Variants in ST6GAL2 observed in about 807,000 individuals in gnomAD.
ST6GAL2 encodes the protein ST6 beta-galactoside alpha-2,6-sialyltransferase 2, also known as beta-galactoside alpha-2,6-sialyltransferase 2.
A neutral mutation model predicts 37.5 loss-of-function variants in ST6GAL2; 24 were observed. The observed-to-expected ratio is 0.64, with a 90% CI of 0.46 to 0.90. ST6GAL2 has a LOEUF of 0.90. ST6GAL2 is among the 40% of genes least tolerant of loss of function. The pLI is 0.00. For missense variants in ST6GAL2, 715 were observed against 712.7 expected (o/e 1.00, Z -0.04); for synonymous variants, 306 against 295.1 (o/e 1.04, Z -0.38).
rs142026345 is a variant in ST6GAL2, at chr2:106,838,426, T to C, written c.944-4280A>G. Among the ~76,000 whole-genome samples, 333 of 152,272 alleles carry C rather than the reference T, an allele frequency of 2.2e-3. 1 individual carries two copies. The highest frequency in any genetic ancestry group is 4.5e-3 in the Admixed American group (69 of 15,302). ...CACTAGAGAATGGCCTGCCTGGGAT[T>C]GGACAAAGCATCGCTTTGGGAGCTC... On this transcript the variant is annotated intron_variant, in intron 2 of 5. Transcript: ENST00000409382.
chr2:106,849,461 G>C (rs577343703), intron 1 of ST6GAL2, among the ~76,000 whole-genome samples: 1 of 152,154 alleles, frequency 6.6e-6, no homozygotes, highest in Non-Finnish European at 1.5e-5. Context: ...ATAGCATCAC[G>C]TGACAGTTAG....
Position 106,843,434 on chromosome 2 carries a change from T to C in ST6GAL2, c.544A>G (p.Arg182Gly). The change falls in exon 2 of 6, where the codon AGG becomes GGG. Residue 182 changes from arginine to glycine, a missense_variant. This residue lies in a region of ST6GAL2 where 512 missense variants were observed against 488.8 expected (regional missense o/e 1.05). Transcript: ENST00000409382. ...TCGCCCTCCTCCAACACGTGGCTCC[T>C]TCTCTGCCTCCGGTGCCTCTTCTTC... ...RVKKRHRRQR[R>G]SHVLEEGDDG... 1 of 1,614,132 alleles carries C rather than the reference T, an allele frequency of 6.2e-7. No homozygotes were observed. Among genetic ancestry groups the C allele is most frequent in the Non-Finnish European group, 8.5e-7 (1 of 1,180,014 alleles).
intron 3 of ST6GAL2, among the ~76,000 whole-genome samples, chr2:106,833,141 T>C (rs1299498083): frequency 6.6e-6 from 1 of 152,132 alleles, no homozygotes; most frequent in Admixed American, 6.5e-5. Context: ...TTTAAAATTA[T>C]TATTTCAGGA....
rs76687188 is a variant in ST6GAL2 at position 106,803,009 on chromosome 2, G to A, written c.*3669C>T. ...TGATCCCACTTAAAGCACCCAAACG[G>A]GACCTACCTAATTAATTCAGGAGAT... On this transcript the variant is annotated 3_prime_UTR_variant, in exon 6 of 6. Transcript: ENST00000409382. The A allele has an allele frequency of 2.2e-4, 34 of 152,198 alleles. No homozygotes were observed. The highest frequency in any genetic ancestry group is 7.9e-4 in the African/African-American group (33 of 41,536). 9.4% of individuals were successfully genotyped at this position (152,198 alleles called of 1,614,324 possible).
In ST6GAL2 at chr2:106,802,014, T is replaced by A. The variant is rs1675276236; in HGVS notation, c.*4664A>T. 1 of 152,222 alleles carries A rather than the reference T, an allele frequency of 6.6e-6. No individual in the cohort carries two copies. Among genetic ancestry groups the A allele is most frequent in the South Asian group, 2.1e-4 (1 of 4,824 alleles). The allele number at this position is 152,222 out of a possible 1,614,324, so 9.4% of individuals were successfully genotyped here. A position where few individuals can be genotyped will look rare whatever the true frequency, so the allele number is the denominator to read the frequency against. ...TGAAAGCCATGAGCTACAGCTAAGC[T>A]TCCCTTCAAAGTTCAGTGTTAAATC... On this transcript the variant is annotated 3_prime_UTR_variant, in exon 6 of 6. Coordinates refer to ENST00000409382, the MANE Select transcript of ST6GAL2 (RefSeq NM_001142351.2).
chr2:106,824,200 G>C (rs1177371472), intron 5 of ST6GAL2, among the ~76,000 whole-genome samples: 1 of 152,182 alleles, frequency 6.6e-6, no homozygotes, highest in Admixed American at 6.5e-5. Context: ...AGGATTTACA[G>C]TTCACATTGT....
chr2:106,851,769 T>C (rs1677374808), intron 1 of ST6GAL2, among the ~76,000 whole-genome samples: 1 of 152,138 alleles, frequency 6.6e-6, no homozygotes, highest in Non-Finnish European at 1.5e-5. Flanking sequence ...GTCCTTTTTT[T>C]GTGTCAAAGA....
chr2:106,829,991 G>T, intron 5 of ST6GAL2, 75 bp downstream of exon 5: 3 of 1,368,814 alleles, frequency 2.2e-6, no homozygotes, highest in South Asian at 2.4e-5. Context: ...TGTATAACAC[G>T]ACTGTATATT....
At position 106,834,095 on chromosome 2, in the gene ST6GAL2, T is replaced by C. The variant is rs749266455; in HGVS notation, c.995A>G (p.Glu332Gly). 2 of 1,613,874 alleles carry C rather than the reference T, an allele frequency of 1.2e-6. No homozygotes were observed. The highest frequency in any genetic ancestry group is 1.7e-6 in the Non-Finnish European group (2 of 1,179,860). ...RFNSAPTRGY[E>G]KDVGNKTTIR... ...GGTGGTTTTATTCCCAACATCTTTC[T>C]CATAACCACGTGTAGGAGCAGAGTT... The change falls in exon 3 of 6, where the codon GAG becomes GGG. Residue 332 changes from glutamate to glycine, a missense_variant. By Grantham distance (98) the Glu-to-Gly change is moderately conservative. Around this residue, in one of 3 missense-constraint regions of ST6GAL2, gnomAD observed 512 missense variants for 488.8 expected, o/e 1.05. Transcript: ENST00000409382.
intron 1 of ST6GAL2, among the ~76,000 whole-genome samples, chr2:106,860,075 G>A (rs1677737233): frequency 1.3e-5 from 2 of 151,982 alleles, no homozygotes; most frequent in African/African-American, 4.8e-5. Context: ...AACCCGGCTT[G>A]GCTTCCTCCT....
intron 1 of ST6GAL2, among the ~76,000 whole-genome samples, chr2:106,845,324 T>A (rs764888353): frequency 6.6e-6 from 1 of 152,060 alleles, no homozygotes; most frequent in Non-Finnish European, 1.5e-5. Context: ...GAGAGTGAAG[T>A]TCTGAGAGCA....
intron 1 of ST6GAL2, among the ~76,000 whole-genome samples, chr2:106,881,232 G>A (rs1455371204): frequency 3.3e-5 from 5 of 152,074 alleles, no homozygotes; most frequent in Non-Finnish European, 5.9e-5. Flanking sequence ...TCAAGCAATC[G>A]CCTGCATCAG....
At chr2:106,850,058 C>T (rs1415631791) in intron 1 of ST6GAL2, among the ~76,000 whole-genome samples, 2 of 152,156 alleles carry the variant, frequency 1.3e-5, no homozygotes, top group Non-Finnish European at 2.9e-5. Context: ...CACATTGGCT[C>T]AGGTTTAAAT....
intron 2 of ST6GAL2, among the ~76,000 whole-genome samples, chr2:106,840,003 G>A (rs1288934644): frequency 1.3e-5 from 2 of 152,200 alleles, no homozygotes; most frequent in Non-Finnish European, 2.9e-5. Context: ...GTAGGGGGAT[G>A]GGGGCTGCAC....
rs552434793 is a variant in ST6GAL2 at position 106,805,395 on chromosome 2, T to A, written c.*1283A>T. The A allele has an allele frequency of 2.0e-5, 3 of 152,218 alleles. No homozygotes were observed. Among genetic ancestry groups the A allele is most frequent in the African/African-American group, 7.2e-5 (3 of 41,452 alleles). The allele number at this position is 152,218 out of a possible 1,614,324, so 9.4% of individuals were successfully genotyped here. A position where few individuals can be genotyped will look rare whatever the true frequency, so the allele number is the denominator to read the frequency against. ...AATTTTTCAATGTATCAGTGACAGT[T>A]GAGATTAAAGAAAAAATCAACCCTG... On this transcript the variant is annotated 3_prime_UTR_variant, in exon 6 of 6. Coordinates refer to ENST00000409382, the MANE Select transcript of ST6GAL2 (RefSeq NM_001142351.2).
At chr2:106,825,687 C>T (rs1306920264) in intron 5 of ST6GAL2, among the ~76,000 whole-genome samples, 1 of 152,212 alleles carries the variant, frequency 6.6e-6, no homozygotes, top group Non-Finnish European at 1.5e-5. Context: ...GCAGAACAGA[C>T]ACTGACCATT....
chr2:106,834,256 A>G (rs1172217360), intron 2 of ST6GAL2, 110 bp from the exon 3 acceptor site: 3 of 712,706 alleles, frequency 4.2e-6, no homozygotes, highest in Admixed American at 4.7e-5. Flanking sequence ...ATACATCACC[A>G]ATAAAGTTAA....
chr2:106,838,581 A>T lies in ST6GAL2; in HGVS notation c.944-4435T>A, dbSNP rs550903285. Among the ~76,000 whole-genome samples the T allele has an allele frequency of 5.3e-4, 81 of 152,288 alleles. 1 individual carries two copies. The highest frequency in any genetic ancestry group is 1.1e-3 in the Non-Finnish European group (73 of 68,020). Reference sequence around the variant, plus strand: ...TGACTATCTGCAATGGCTGCACATCATGGGCACAGGGCTGAGAGCTAGTGT... The same window carrying T: ...TGACTATCTGCAATGGCTGCACATCTTGGGCACAGGGCTGAGAGCTAGTGT... On this transcript the variant is annotated intron_variant, in intron 2 of 5. Coordinates refer to ENST00000409382, the MANE Select transcript of ST6GAL2 (RefSeq NM_001142351.2).
In ST6GAL2 at chr2:106,806,912, G is replaced by A. The variant is rs754247586; in HGVS notation, c.1356C>T (p.His452=). The part of the protein sequence containing the change: ...LIMMSMCREV[H]VYEYIPSVRQ... ...GCACGGATGGGATATATTCATACAC[G>A]TGCACCTCTCTGCACATGGACATCA... The change falls in exon 6 of 6, where the codon CAC becomes CAT. Residue 452 remains histidine (H), a synonymous_variant. Transcript: ENST00000409382. The A allele has an allele frequency of 9.9e-6, 16 of 1,613,884 alleles. No individual in the cohort carries two copies. The highest frequency in any genetic ancestry group is 2.7e-5 in the African/African-American group (2 of 74,908).
Sources: allele counts gnomAD v4.1 joint callset (sites outside exome capture counted in the v4.1 genomes callset), GRCh38; gene constraint gnomAD v4.1.1; regional missense constraint gnomAD v4.1.1; transcripts MANE v1.5; gene names NCBI Gene and HGNC (gene_info 2026-07-23, HGNC 2026-07-21).